RNF25: variants seen among roughly 807,000 people sequenced by gnomAD.
The protein encoded by RNF25 is E3 ubiquitin-protein ligase RNF25.
In RNF25, 32 loss-of-function variants were observed where a neutral mutation model predicts 65.0. That is an observed-to-expected ratio of 0.49 (90% CI 0.37 to 0.66). The LOEUF (loss-of-function observed/expected upper bound fraction) is 0.66, where lower values mean the gene tolerates loss of function less well. RNF25 is among the 30% of genes least tolerant of loss of function. The pLI, the probability that RNF25 is intolerant of heterozygous loss-of-function variation, is 0.00. For missense variants in RNF25, 493 were observed against 584.8 expected (o/e 0.84, Z 1.62); for synonymous variants, 207 against 221.2 (o/e 0.94, Z 0.57).
chr2:218,664,490 C>T lies in RNF25; in HGVS notation c.847G>A (p.Gly283Arg), dbSNP rs1352369556. 2 of 1,613,974 alleles carry T rather than the reference C, an allele frequency of 1.2e-6. No homozygotes were observed. Among genetic ancestry groups the T allele is most frequent in the Non-Finnish European group, 1.7e-6 (2 of 1,180,026 alleles). The change falls in exon 10 of 10, where the codon GGA becomes AGA. Residue 283 changes from glycine to arginine, a missense_variant. Transcript: ENST00000295704. The surrounding 1 kb of genome is among the most constrained non-coding windows in gnomAD (Gnocchi z 5.1). ...EPESAVDVSKGSQPPSTLAAE... is the reference protein window; with the variant it reads ...EPESAVDVSKRSQPPSTLAAE... ...GCAAGGGTGCTGGGTGGTTGGGATCCTTTGGAGACATCTACAGCTGACTCA... is the reference window on the plus strand; with the variant it reads ...GCAAGGGTGCTGGGTGGTTGGGATCTTTTGGAGACATCTACAGCTGACTCA...
chr2:218,664,900 A>T lies in RNF25; in HGVS notation c.667-27T>A. The T allele has an allele frequency of 6.2e-7, 1 of 1,613,770 alleles. No homozygotes were observed. Among genetic ancestry groups the T allele is most frequent in the Admixed American group, 1.7e-5 (1 of 60,004 alleles). ...TGGAAGGAAGAATGGCAGAGAGGAAATAATGAACAGCAGAAGGCTGACTCA... is the reference window on the plus strand; with the variant it reads ...TGGAAGGAAGAATGGCAGAGAGGAATTAATGAACAGCAGAAGGCTGACTCA... On this transcript the variant is annotated intron_variant, in intron 8 of 9. Coordinates refer to ENST00000295704, the MANE Select transcript of RNF25 (RefSeq NM_022453.3). The surrounding 1 kb of genome is among the most constrained non-coding windows in gnomAD (Gnocchi z 5.1).
intron 7 of RNF25, among the ~76,000 whole-genome samples, chr2:218,665,687 G>A (rs550643349): frequency 1.9e-4 from 28 of 151,234 alleles, no homozygotes; most frequent in African/African-American, 4.6e-4. Flanking sequence ...AGGTTGCAGT[G>A]AGCCAAGATT....
intron 7 of RNF25, 123 bp downstream of exon 7, chr2:218,665,793 T>G (rs901955533): frequency 1.5e-6 from 2 of 1,295,722 alleles, no homozygotes; most frequent in Middle Eastern, 5.6e-4. Flanking sequence ...TAAGAGTTCA[T>G]TAATCTCAAG....
chr2:218,666,256 C>T (rs371403464), intron 5 of RNF25, 26 bp from the exon 6 acceptor site: 36 of 1,592,740 alleles, frequency 2.3e-5, no homozygotes, highest in Middle Eastern at 3.3e-4. Context: ...ACTGATTAAA[C>T]GGGGGTAGGG....
intron 1 of RNF25, among the ~76,000 whole-genome samples, chr2:218,669,187 A>C (rs887089691): frequency 6.6e-6 from 1 of 152,196 alleles, no homozygotes; most frequent in African/African-American, 2.4e-5. Flanking sequence ...CCTCAACACA[A>C]CATATTTAGG....
rs780042552 is a variant in RNF25, at chr2:218,664,196, C to T, written c.1141G>A (p.Glu381Lys). Residue 381 changes from glutamate to lysine, a missense_variant, in exon 10 of 10, where the codon GAG becomes AAG. This residue lies in a region of RNF25 where 351 missense variants were observed against 400.2 expected (regional missense o/e 0.88). Transcript: ENST00000295704. The surrounding 1 kb of genome is among the most constrained non-coding windows in gnomAD (Gnocchi z 5.1). The part of the protein sequence containing the change: ...ELPPPEGPLK[E>K]PMDLKPEPHS... Reference sequence around the variant, plus strand: ...GGTTCTGGCTTTAGGTCCATGGGCTCCTTGAGGGGCCCCTCAGGAGGTGGC... The same window carrying T: ...GGTTCTGGCTTTAGGTCCATGGGCTTCTTGAGGGGCCCCTCAGGAGGTGGC... 3 of 1,590,858 alleles carry T rather than the reference C, an allele frequency of 1.9e-6. No homozygotes were observed. The highest frequency in any genetic ancestry group is 4.5e-5 in the East Asian group (2 of 44,728).
Position 218,664,238 on chromosome 2 carries a change from G to A in RNF25, c.1099C>T (p.Arg367Cys), listed in dbSNP as rs557053005. 7.0e-5 allele frequency: 112 copies of A among 1,600,622 alleles called. 1 individual carries two copies. In the South Asian group the frequency reaches 1.1e-3, roughly 16 times the overall value. ...GGECHAPKGT[R>C]DTQELPPPEG... ...GGAGGTGGCAGTTCCTGGGTGTCAC[G>A]GGTACCTTTAGGGGCGTGGCACTCC... The change falls in exon 10 of 10, where the codon CGT becomes TGT. Residue 367 changes from arginine (R) to cysteine (C), a missense_variant. By Grantham distance (180) the Arg-to-Cys change is radical (BLOSUM62 -3). Coordinates refer to ENST00000295704, the MANE Select transcript of RNF25 (RefSeq NM_022453.3). The surrounding 1 kb of genome is among the most constrained non-coding windows in gnomAD (Gnocchi z 5.1).
At chr2:218,671,444 T>C (rs1165321306) in intron 1 of RNF25, among the ~76,000 whole-genome samples, 1 of 152,148 alleles carries the variant, frequency 6.6e-6, no homozygotes, top group Non-Finnish European at 1.5e-5. Flanking sequence ...GGACTTTATA[T>C]GAAGTGTAAA....
rs1240411615 is a variant in RNF25 at position 218,664,556 on chromosome 2, G to A, written c.802-21C>T. 4.4e-6 allele frequency: 7 copies of A among 1,605,366 alleles called. No individual in the cohort carries two copies. The highest frequency in any genetic ancestry group is 6.0e-6 in the Non-Finnish European group (7 of 1,174,824). On this transcript the variant is annotated intron_variant, in intron 9 of 9. Transcript: ENST00000295704. The surrounding 1 kb of genome is among the most constrained non-coding windows in gnomAD (Gnocchi z 5.1). ...GGAGGCTAGAAATAAGTGACAAGAT[G>A]CAGTGAGGGAGATGCAGTTCCTCAA...
rs1165735538 is a variant in RNF25, at chr2:218,671,992, G to A, written c.-22C>T. The A allele has an allele frequency of 6.2e-7, 1 of 1,614,106 alleles. No individual in the cohort carries two copies. Among genetic ancestry groups the A allele is most frequent in the East Asian group, 2.2e-5 (1 of 44,880 alleles). ...CCATATCTTCACCGGCCCGCAGCCG[G>A]AACCGGAAATGCCCTTAGGGAAGTC... On this transcript the variant is annotated 5_prime_UTR_variant, in exon 1 of 10. Coordinates refer to ENST00000295704, the MANE Select transcript of RNF25 (RefSeq NM_022453.3).
Position 218,666,238 on chromosome 2 carries a change from G to C in RNF25, c.358-8C>G. On this transcript the variant is annotated splice_region_variant and splice_polypyrimidine_tract_variant and intron_variant, in intron 5 of 9. Transcript: ENST00000295704. ...GAGAATTTCCTTCCCTTTCTGAGGA[G>C]AGAAGACACTGATTAAACGGGGGTA... 1.9e-6 allele frequency: 3 copies of C among 1,610,542 alleles called. No individual in the cohort carries two copies. Among genetic ancestry groups the C allele is most frequent in the South Asian group, 1.1e-5 (1 of 90,848 alleles).
chr2:218,664,521 CGCAGGG>C lies in RNF25; in HGVS notation c.810_815del (p.Pro271_Ala272del), dbSNP rs1939775964. On this transcript the variant is annotated inframe_deletion, in exon 10 of 10. Coordinates refer to ENST00000295704, the MANE Select transcript of RNF25 (RefSeq NM_022453.3). The surrounding 1 kb of genome is among the most constrained non-coding windows in gnomAD (Gnocchi z 5.1). ...AGACATCTACAGCTGACTCAGGTTCCGCAGGGGCAGGAGGCTAGAAATAAGTGACAA... is the reference window on the plus strand; with the variant it reads ...AGACATCTACAGCTGACTCAGGTTCCGCAGGAGGCTAGAAATAAGTGACAA... 1.9e-6 allele frequency: 3 copies of C among 1,612,804 alleles called. No individual in the cohort carries two copies. The highest frequency in any genetic ancestry group is 1.7e-6 in the Non-Finnish European group (2 of 1,179,488).
rs775643567 is a variant in RNF25, at chr2:218,664,756, A to G, written c.784T>C (p.Phe262Leu). Residue 262 changes from phenylalanine (F) to leucine (L), a missense_variant, in exon 9 of 10, where the codon TTC becomes CTC. Physicochemically the swap from Phe to Leu is conservative, Grantham distance 22. Coordinates refer to ENST00000295704, the MANE Select transcript of RNF25 (RefSeq NM_022453.3). This position sits in a 1 kb window ranked among gnomAD's most constrained non-coding sequence, Gnocchi z 5.1. Reference sequence around the variant, plus strand: ...TCCCTCACCTGCTGAAGGCTGATGAAGTATCGGTTTCGCTCAGCCTCAAGG... The same window carrying G: ...TCCCTCACCTGCTGAAGGCTGATGAGGTATCGGTTTCGCTCAGCCTCAAGG... ...IDLEAERNRYFISLQQPPAPA... is the reference protein window; with the variant it reads ...IDLEAERNRYLISLQQPPAPA... 6.2e-7 allele frequency: 1 copy of G among 1,614,206 alleles called. No individual in the cohort carries two copies. The highest frequency in any genetic ancestry group is 8.5e-7 in the Non-Finnish European group (1 of 1,180,038).
At chr2:218,668,463 A>G in intron 2 of RNF25, 122 bp from the exon 3 acceptor site, 1 of 971,404 alleles carries the variant, frequency 1.0e-6, no homozygotes, top group South Asian at 1.4e-5. Context: ...CTTTTGGGGT[A>G]GGATTAAAGG....
chr2:218,668,059 T>A lies in RNF25; in HGVS notation c.287+20A>T, dbSNP rs571175419. On this transcript the variant is annotated intron_variant, in intron 4 of 9. Coordinates refer to ENST00000295704, the MANE Select transcript of RNF25 (RefSeq NM_022453.3). ...CAAAGCTGTAGCTGAGTTTTCCCTG[T>A]TCTGACAGGTTCAACTTACGTGTGG... The A allele has an allele frequency of 1.8e-4, 285 of 1,613,798 alleles. 3 individuals are homozygous for A. In the South Asian group the frequency reaches 3.0e-3, roughly 17 times the overall value.
chr2:218,665,882 T>A (rs772852469), intron 7 of RNF25, 34 bp downstream of exon 7: 1 of 1,596,490 alleles, frequency 6.3e-7, no homozygotes, highest in East Asian at 2.2e-5. Flanking sequence ...TGCCTAAGGG[T>A]GTCAGATGAG....
chr2:218,665,812 T>C, intron 7 of RNF25, 104 bp downstream of exon 7: 3 of 1,430,534 alleles, frequency 2.1e-6, no homozygotes, highest in Non-Finnish European at 2.8e-6. Flanking sequence ...AGGGTATCTA[T>C]GACCCTGAAA....
At chr2:218,665,724 C>T (rs903686055) in intron 7 of RNF25, among the ~76,000 whole-genome samples, 192 bp downstream of exon 7, 15 of 147,570 alleles carry the variant, frequency 1.0e-4, no homozygotes, top group African/African-American at 3.3e-4. Flanking sequence ...GCCTGGGTGG[C>T]AGAGTGAGAC....
chr2:218,668,599 A>G lies in RNF25; in HGVS notation c.116+6T>C, dbSNP rs1308044739. On this transcript the variant is annotated splice_donor_region_variant and intron_variant, in intron 2 of 9. Transcript: ENST00000295704. Reference sequence around the variant, plus strand: ...GACTCCTGCCCACCACTGGTTGAATACATACCTGCCATTTCCTTTAATCAC... The same window carrying G: ...GACTCCTGCCCACCACTGGTTGAATGCATACCTGCCATTTCCTTTAATCAC... 1.2e-6 allele frequency: 2 copies of G among 1,600,748 alleles called. No homozygotes were observed. The highest frequency in any genetic ancestry group is 1.7e-5 in the Admixed American group (1 of 60,010).
Sources: allele counts gnomAD v4.1 joint callset (sites outside exome capture counted in the v4.1 genomes callset), GRCh38; gene constraint gnomAD v4.1.1; regional missense constraint gnomAD v4.1.1; non-coding constraint Gnocchi (gnomAD v3.1); transcripts MANE v1.5; gene names NCBI Gene and HGNC (gene_info 2026-07-23, HGNC 2026-07-21).